The following OR4K1 variants were observed in gnomAD, a reference collection of about 807,000 sequenced individuals.
OR4K1 encodes the protein olfactory receptor family 4 subfamily K member 1.
Under a neutral mutation model 14.4 loss-of-function variants are expected in OR4K1, and 16 were observed. The observed-to-expected ratio is 1.11, with a 90% CI of 0.75 to 1.68. The LOEUF (loss-of-function observed/expected upper bound fraction) is 1.68, where lower values mean the gene tolerates loss of function less well. Among genes scored for constraint, OR4K1 ranks in the 40% most tolerant of loss-of-function variants. The pLI is 0.00. For synonymous variants in OR4K1, 181 were observed against 133.1 expected (o/e 1.36, Z -2.48); for missense variants, 548 against 376.9 (o/e 1.45, Z -3.76).
At chr14:19,934,731 T>G (rs1251382755) in intron 1 of OR4K1, among the ~76,000 whole-genome samples, 1 of 152,052 alleles carries the variant, frequency 6.6e-6, no homozygotes, top group African/African-American at 2.4e-5. Context: ...AGTGCAGTGG[T>G]GTGATCTCGG....
At chr14:19,928,409 T>C (rs2792154), upstream of OR4K1, among the ~76,000 whole-genome samples, 30,737 of 149,110 alleles carry the variant, frequency 0.21, 1,834 homozygotes, top group African/African-American at 0.3. Flanking sequence ...TGTTTTAGTC[T>C]TGTGCTCTCT....
At chr14:19,933,815 G>T (rs1198970265) in intron 1 of OR4K1, among the ~76,000 whole-genome samples, 1 of 152,170 alleles carries the variant, frequency 6.6e-6, no homozygotes, top group African/African-American at 2.4e-5. Context: ...TTGAACTCCT[G>T]ACCTCGTGAT....
chr14:19,929,072 T>A (rs151082025), upstream of OR4K1, among the ~76,000 whole-genome samples: 4 of 152,032 alleles, frequency 2.6e-5, no homozygotes, highest in African/African-American at 7.2e-5. Flanking sequence ...ACTCCAAGAT[T>A]ATAAAAAAAT....
At chr14:19,921,776 T>C in the OR4K1 span, 2 of 573,006 alleles carry the variant, frequency 3.5e-6, no homozygotes, top group East Asian at 7.3e-5. Context: ...AGATTACTGG[T>C]TCTAGAAATA....
At chr14:19,927,720 C>T (rs1055715319), upstream of OR4K1, among the ~76,000 whole-genome samples, 23 of 152,318 alleles carry the variant, frequency 1.5e-4, no homozygotes, top group Middle Eastern at 3.4e-3. Flanking sequence ...TCAACTGTAT[C>T]ACACCCCTTC....
Position 19,936,105 on chromosome 14 carries a change from A to G in OR4K1, c.439A>G (p.Ile147Val), listed in dbSNP as rs1882311750. Reference protein sequence around the residue: ...NRRLCVIFVSISWAVGVLHSV... With the variant: ...NRRLCVIFVSVSWAVGVLHSV... ...GAGGCTCTGTGTAATTTTTGTGTCT[A>G]TTTCCTGGGCGGTGGGCGTTCTTCA... The change falls in exon 2 of 2, where the codon ATT becomes GTT. Residue 147 changes from isoleucine (I) to valine (V), a missense_variant. Coordinates refer to ENST00000641172, the MANE Select transcript of OR4K1 (RefSeq NM_001004063.3). 6.2e-7 allele frequency: 1 copy of G among 1,614,146 alleles called. No homozygotes were observed. The highest frequency in any genetic ancestry group is 8.5e-7 in the Non-Finnish European group (1 of 1,180,022).
chr14:19,921,642 T>C, the OR4K1 span: 7 of 1,473,120 alleles, frequency 4.8e-6, no homozygotes, highest in South Asian at 6.7e-5. Context: ...ATTTTTGTGG[T>C]GTATCTCAAT....
At chr14:19,928,516 C>CT (rs1184298727), upstream of OR4K1, among the ~76,000 whole-genome samples, 28 of 152,104 alleles carry the variant, frequency 1.8e-4, no homozygotes, top group East Asian at 5.8e-4. Flanking sequence ...CAATAGAAAG[C>CT]TTTTTTTTAA....
intron 1 of OR4K1, among the ~76,000 whole-genome samples, chr14:19,934,755 C>A (rs1013713606): frequency 1.3e-5 from 2 of 152,020 alleles, no homozygotes; most frequent in African/African-American, 4.8e-5. Flanking sequence ...ACTGCAACCT[C>A]CGCCTCCCAG....
chr14:19,934,319 G>A (rs1182859226), intron 1 of OR4K1, among the ~76,000 whole-genome samples: 1 of 152,240 alleles, frequency 6.6e-6, no homozygotes, highest in Admixed American at 6.5e-5. Context: ...TTACTTACTA[G>A]TTAACTTTTC....
At chr14:19,929,996 A>G (rs1882150618), upstream of OR4K1, among the ~76,000 whole-genome samples, 1 of 152,240 alleles carries the variant, frequency 6.6e-6, no homozygotes, top group South Asian at 2.1e-4. Flanking sequence ...ACATAATTTT[A>G]CAATCTTTAA....
upstream of OR4K1, among the ~76,000 whole-genome samples, chr14:19,929,092 C>T (rs895362520): frequency 1.3e-5 from 2 of 151,688 alleles, no homozygotes; most frequent in African/African-American, 4.8e-5. Context: ...TCTTCACGTG[C>T]TTTTTTCTAA....
chr14:19,934,495 C>T (rs1427118830), intron 1 of OR4K1, among the ~76,000 whole-genome samples: 3 of 152,218 alleles, frequency 2.0e-5, no homozygotes, highest in Non-Finnish European at 4.4e-5. Context: ...GTTATTGTTT[C>T]ATTTATTGTT....
At chr14:19,920,608 TG>T in the OR4K1 span, 1 of 1,598,606 alleles carries the variant, frequency 6.3e-7, no homozygotes, top group Non-Finnish European at 8.5e-7. Context: ...CTTGGAACCA[TG>T]GATAAGTCCA....
In OR4K1 at chr14:19,936,207, C is replaced by A; in HGVS notation, c.541C>A (p.Leu181Ile). ...TGAGGTGGATAGCTTCTTTTGTGAC[C>A]TTCCCTTGGTGATAGAGCTGGCTTG... ...PNEVDSFFCD[L>I]PLVIELACMD... The change falls in exon 2 of 2, where the codon CTT (leucine) becomes ATT (isoleucine). Residue 181 changes from leucine to isoleucine, a missense_variant. Transcript: ENST00000641172. 1 of 1,614,230 alleles carries A rather than the reference C, an allele frequency of 6.2e-7. No homozygotes were observed. Among genetic ancestry groups the A allele is most frequent in the Non-Finnish European group, 8.5e-7 (1 of 1,180,030 alleles).
chr14:19,920,319 T>G, the OR4K1 span, among the ~76,000 whole-genome samples: 1 of 152,230 alleles, frequency 6.6e-6, no homozygotes, highest in Non-Finnish European at 1.5e-5. Flanking sequence ...CTGGGTAAGC[T>G]CATTTCCTAC....
chr14:19,935,240 CA>C (rs1433849072), intron 1 of OR4K1, among the ~76,000 whole-genome samples: 2 of 152,346 alleles, frequency 1.3e-5, no homozygotes, highest in Admixed American at 6.5e-5. Context: ...TTTTGGCTAG[CA>C]AATTTCAAAC....
intron 1 of OR4K1, chr14:19,931,407 C>T (rs567372801): frequency 6.6e-6 from 1 of 152,434 alleles, no homozygotes; most frequent in East Asian, 1.9e-4. Flanking sequence ...TATGTTACAA[C>T]CATTATCTGT....
chr14:19,936,389 T>G lies in OR4K1; in HGVS notation c.723T>G (p.Thr241=), dbSNP rs776775403. The part of the protein sequence containing the change: ...SGSSKALSTL[T]AHITVVILFF... ...CATCTAAGGCTCTTTCTACATTAAC[T>G]GCCCACATCACAGTGGTCATTCTTT... is the stretch of plus-strand genomic sequence containing the variant. The change falls in exon 2 of 2, where the codon ACT becomes ACG. Residue 241 remains threonine (T), a synonymous_variant. Coordinates refer to ENST00000641172, the MANE Select transcript of OR4K1 (RefSeq NM_001004063.3). The G allele has an allele frequency of 3.0e-5, 48 of 1,614,132 alleles. 1 individual carries two copies. In the South Asian group the frequency reaches 5.2e-4, roughly 17 times the overall value.
Sources: allele counts gnomAD v4.1 joint callset (sites outside exome capture counted in the v4.1 genomes callset), GRCh38; gene constraint gnomAD v4.1.1; transcripts MANE v1.5; gene names NCBI Gene and HGNC (gene_info 2026-07-23, HGNC 2026-07-21).